DENND2B: variants seen among roughly 807,000 people sequenced by gnomAD.
DENND2B encodes the protein DENN domain containing 2B.
DENND2B carries 32 observed loss-of-function variants against 116.0 expected under a neutral mutation model. The observed-to-expected ratio is 0.28, with a 90% CI of 0.21 to 0.37. The LOEUF is 0.37. DENND2B is among the 10% of genes least tolerant of loss of function. The pLI is 1.00. For missense variants in DENND2B, 1,276 were observed against 1,477.7 expected, an observed-to-expected ratio of 0.86 and a Z score of 2.24; for synonymous variants, 588 against 583.9, an observed-to-expected ratio of 1.01 and a Z score of -0.10.
At chr11:8,907,739 C>T (rs1196058844) in intron 1 of DENND2B, among the ~76,000 whole-genome samples, 2 of 151,992 alleles carry the variant, frequency 1.3e-5, no homozygotes, top group East Asian at 1.9e-4. Context: ...TCTGTTGCCC[C>T]GGCTGGAGGG....
rs2052209586 is a variant in DENND2B at position 8,750,644 on chromosome 11, T to C, written c.57A>G (p.Lys19=). Residue 19 remains lysine, a synonymous_variant, in exon 2 of 20, where the codon AAA becomes AAG. Coordinates refer to ENST00000313726, the MANE Select transcript of DENND2B (RefSeq NM_213618.2). ...SSITHGAGGT[K]APRGTLSRSQ... The stretch of plus-strand genomic sequence containing the variant: ...ACCTGCTCAGAGTCCCCCGAGGGGC[T>C]TTAGTGCCACCAGCTCCGTGGGTGA... 1 of 1,614,074 alleles carries C rather than the reference T, an allele frequency of 6.2e-7. No homozygotes were observed. Among genetic ancestry groups the C allele is most frequent in the Non-Finnish European group, 8.5e-7 (1 of 1,180,004 alleles).
chr11:8,837,682 C>G (rs1412314003), intron 4 of DENND2B, among the ~76,000 whole-genome samples: 1 of 152,096 alleles, frequency 6.6e-6, no homozygotes, highest in Non-Finnish European at 1.5e-5. Flanking sequence ...TGATAGGGTC[C>G]CCCAAATACC....
chr11:8,898,014 T>G (rs2064123676), intron 1 of DENND2B, among the ~76,000 whole-genome samples: 1 of 152,192 alleles, frequency 6.6e-6, no homozygotes, highest in African/African-American at 2.4e-5. Flanking sequence ...TATCATGCAG[T>G]CTTCCTGTCA....
At chr11:8,820,927 G>C (rs2061736134) in intron 4 of DENND2B, among the ~76,000 whole-genome samples, 1 of 151,952 alleles carries the variant, frequency 6.6e-6, no homozygotes, top group Non-Finnish European at 1.5e-5. Context: ...TTCGAGACCA[G>C]CCTGGCCAAC....
rs1299065291 is a variant in DENND2B, at chr11:8,707,762, G to A, written c.2430+15C>T. ...AGCTGGGGGACGGGGAGGGAAGCCT[G>A]CCAGAGCCTCTTACCTTGGAAAACA... On this transcript the variant is annotated intron_variant, in intron 12 of 19. Coordinates refer to ENST00000313726, the MANE Select transcript of DENND2B (RefSeq NM_213618.2). This position sits in a 1 kb window ranked among gnomAD's most constrained non-coding sequence, Gnocchi z 4.8. 1.3e-6 allele frequency: 2 copies of A among 1,598,848 alleles called. No individual in the cohort carries two copies. The highest frequency in any genetic ancestry group is 1.7e-6 in the Non-Finnish European group (2 of 1,172,966).
At chr11:8,800,242 T>C (rs1288808783) in intron 1 of DENND2B, among the ~76,000 whole-genome samples, 2 of 152,104 alleles carry the variant, frequency 1.3e-5, no homozygotes, top group African/African-American at 4.8e-5. Context: ...GTGTGAGCCA[T>C]TGCATTGTGT....
intron 2 of DENND2B, among the ~76,000 whole-genome samples, chr11:8,736,366 G>T (rs1434435579): frequency 6.8e-6 from 1 of 147,574 alleles, no homozygotes; most frequent in African/African-American, 2.5e-5. Context: ...TGTCTCAAAA[G>T]AAAAAAAAAA....
rs2042874579 is a variant in DENND2B, at chr11:8,707,774, T to C, written c.2430+3A>G. ...GGGAGGGAAGCCTGCCAGAGCCTCT[T>C]ACCTTGGAAAACAAGCCGAAGCAGC... On this transcript the variant is annotated splice_donor_region_variant and intron_variant, in intron 12 of 19. Transcript: ENST00000313726. This position sits in a 1 kb window ranked among gnomAD's most constrained non-coding sequence, Gnocchi z 4.8. 2 of 1,605,946 alleles carry C rather than the reference T, an allele frequency of 1.2e-6. No individual in the cohort carries two copies. Among genetic ancestry groups the C allele is most frequent in the East Asian group, 2.2e-5 (1 of 44,608 alleles).
intron 2 of DENND2B, among the ~76,000 whole-genome samples, chr11:8,733,143 C>T (rs2133941579): frequency 6.6e-6 from 1 of 152,338 alleles, no homozygotes; most frequent in Non-Finnish European, 1.5e-5. Flanking sequence ...AGAGGCTCTG[C>T]TCAGTGAGGA....
At chr11:8,719,024 T>A in intron 4 of DENND2B, 2 of 985,824 alleles carry the variant, frequency 2.0e-6, no homozygotes, top group Non-Finnish European at 2.4e-6. Flanking sequence ...CTCCAGCACC[T>A]CTGCTCAGCA....
At chr11:8,896,186 C>T (rs1358724720) in intron 1 of DENND2B, among the ~76,000 whole-genome samples, 2 of 152,068 alleles carry the variant, frequency 1.3e-5, no homozygotes, top group Non-Finnish European at 2.9e-5. Flanking sequence ...ACCTACTCTA[C>T]TTGCTAGAGC....
intron 1 of DENND2B, among the ~76,000 whole-genome samples, chr11:8,802,238 T>C (rs1376014885): frequency 1.3e-5 from 2 of 151,150 alleles, no homozygotes; most frequent in African/African-American, 2.4e-5. Context: ...GAGATGGAAG[T>C]TGCAGTGAGC....
chr11:8,718,161 C>A, intron 4 of DENND2B: 1 of 490,824 alleles, frequency 2.0e-6, no homozygotes, highest in Non-Finnish European at 3.8e-6. Flanking sequence ...TTTATAAATT[C>A]AGGGATTGCA....
intron 19 of DENND2B, 117 bp downstream of exon 19, chr11:8,695,346 T>C (rs2040171160): frequency 1.0e-6 from 1 of 955,526 alleles, no homozygotes; most frequent in South Asian, 1.4e-5. Context: ...CATCCTGTTC[T>C]GTCTACAGCC....
At chr11:8,881,572 G>A (rs1379172285) in intron 1 of DENND2B, among the ~76,000 whole-genome samples, 1 of 152,172 alleles carries the variant, frequency 6.6e-6, no homozygotes, top group Admixed American at 6.5e-5. Context: ...GTCTCACTCT[G>A]TCACCCAGGC....
intron 1 of DENND2B, among the ~76,000 whole-genome samples, chr11:8,793,371 C>A (rs2059551167): frequency 6.6e-6 from 1 of 152,182 alleles, no homozygotes; most frequent in Admixed American, 6.5e-5. Flanking sequence ...TGGTTTACCT[C>A]TAATCTATTT....
At chr11:8,801,459 C>G (rs1422656404) in intron 1 of DENND2B, among the ~76,000 whole-genome samples, 1 of 152,068 alleles carries the variant, frequency 6.6e-6, no homozygotes, top group African/African-American at 2.4e-5. Context: ...GATGGAATGC[C>G]TGAGCTCAGG....
intron 1 of DENND2B, among the ~76,000 whole-genome samples, chr11:8,901,643 C>T (rs973116620): frequency 2.6e-5 from 4 of 152,132 alleles, no homozygotes; most frequent in African/African-American, 9.7e-5. Flanking sequence ...GCCTCTCATA[C>T]ATTTTGATAT....
chr11:8,744,456 A>C (rs1381687492), intron 2 of DENND2B, among the ~76,000 whole-genome samples: 1 of 152,124 alleles, frequency 6.6e-6, no homozygotes, highest in East Asian at 1.9e-4. Flanking sequence ...TTTTAAAGGA[A>C]ATGTATCAGC....
Sources: gnomAD v4.1 joint callset for allele counts (sites outside exome capture counted in the v4.1 genomes callset) on GRCh38, gnomAD v4.1.1 for gene constraint, Gnocchi (gnomAD v3.1) non-coding constraint, MANE v1.5 for transcripts, NCBI Gene and HGNC (gene_info 2026-07-23, HGNC 2026-07-21) for gene names.